ZGRF1: variants seen among roughly 807,000 people sequenced by gnomAD.
The protein encoded by ZGRF1 is zinc finger GRF-type containing 1.
ZGRF1 carries 196 observed loss-of-function variants against 203.5 expected under a neutral mutation model. The observed-to-expected ratio is 0.96, with a 90% confidence interval of 0.86 to 1.08. The LOEUF (loss-of-function observed/expected upper bound fraction) is 1.08. Among genes scored for constraint, ZGRF1 ranks in the 50% least tolerant of loss-of-function variants. The pLI, the probability that ZGRF1 is intolerant of heterozygous loss-of-function variation, is 0.00. For synonymous variants in ZGRF1, 809 were observed against 841.3 expected (o/e 0.96, Z 0.66); for missense variants, 2,326 against 2,416.3 (o/e 0.96, Z 0.78).
intron 3 of ZGRF1, among the ~76,000 whole-genome samples, chr4:112,628,076 A>G (rs2149200628): frequency 6.6e-6 from 1 of 152,354 alleles, no homozygotes; most frequent in Non-Finnish European, 1.5e-5. Flanking sequence ...TCTGAACCAG[A>G]GACAGATCTA....
At position 112,563,193 on chromosome 4, in the gene ZGRF1, G is replaced by A. The variant is rs1412107753; in HGVS notation, c.4520C>T (p.Ser1507Phe). The stretch of plus-strand genomic sequence containing the variant: ...AGGCAGTATTTCTATCTCATTGATA[G>A]ATGATGGTCCAAAGAAAGCACTACA... ...IACSAFFGPS[S>F]INEIEILPLK... The change falls in exon 17 of 28, where the codon TCT (serine) becomes TTT (phenylalanine). Residue 1507 changes from serine (S) to phenylalanine (F), a missense_variant. Physicochemically the swap from Ser to Phe is radical, Grantham distance 155 (BLOSUM62 -2). Coordinates refer to ENST00000505019, the MANE Select transcript of ZGRF1 (RefSeq NM_018392.5). The A allele has an allele frequency of 6.4e-7, 1 of 1,550,872 alleles. No individual in the cohort carries two copies. Among genetic ancestry groups the A allele is most frequent in the East Asian group, 2.4e-5 (1 of 40,850 alleles).
chr4:112,589,885 A>T lies in ZGRF1; in HGVS notation c.2977-11T>A, dbSNP rs769779257. On this transcript the variant is annotated splice_polypyrimidine_tract_variant and intron_variant, in intron 10 of 27. Coordinates refer to ENST00000505019, the MANE Select transcript of ZGRF1 (RefSeq NM_018392.5). ...TTCTGGTGATGTCACCTATACAGAA[A>T]GAAGAATCAAAACTACAGACCAAAA... The T allele has an allele frequency of 6.5e-7, 1 of 1,539,554 alleles. No individual in the cohort carries two copies. The highest frequency in any genetic ancestry group is 8.7e-7 in the Non-Finnish European group (1 of 1,146,402).
intron 4 of ZGRF1, among the ~76,000 whole-genome samples, chr4:112,623,352 T>C (rs1055946766): frequency 2.6e-5 from 4 of 152,228 alleles, no homozygotes; most frequent in African/African-American, 7.2e-5. Flanking sequence ...GAACAACTTA[T>C]ATTCCTTTGG....
At chr4:112,562,571 G>C in intron 17 of ZGRF1, 86 bp from the exon 18 acceptor site, 1 of 775,498 alleles carries the variant, frequency 1.3e-6, no homozygotes. Context: ...ATAACTCAGA[G>C]TTCAGCTACT....
At chr4:112,626,682 C>T (rs2047249691) in intron 3 of ZGRF1, among the ~76,000 whole-genome samples, 1 of 152,164 alleles carries the variant, frequency 6.6e-6, no homozygotes, top group South Asian at 2.1e-4. Flanking sequence ...TTTCAAATAC[C>T]ATCTAAAAGC....
At chr4:112,563,475 G>C (rs543540717) in intron 16 of ZGRF1, among the ~76,000 whole-genome samples, 2 of 152,286 alleles carry the variant, frequency 1.3e-5, no homozygotes, top group Admixed American at 1.3e-4. Context: ...AAAAGAACCA[G>C]CATCAGATTC....
intron 16 of ZGRF1, among the ~76,000 whole-genome samples, chr4:112,567,737 G>C (rs1189269628): frequency 1.3e-5 from 2 of 152,082 alleles, no homozygotes; most frequent in African/African-American, 4.8e-5. Flanking sequence ...ATGTGCCAGG[G>C]CAACATAGCA....
At chr4:112,559,370 T>A (rs1741520851) in intron 19 of ZGRF1, among the ~76,000 whole-genome samples, 1 of 152,162 alleles carries the variant, frequency 6.6e-6, no homozygotes, top group African/African-American at 2.4e-5. Context: ...AGCTAATTTT[T>A]AAATTTTTTT....
intron 10 of ZGRF1, among the ~76,000 whole-genome samples, chr4:112,592,893 A>G (rs1024574613): frequency 1.2e-4 from 18 of 152,246 alleles, no homozygotes; most frequent in African/African-American, 3.6e-4. Context: ...AAATGAGGTC[A>G]TAAGAGTGGG....
chr4:112,560,419 G>A lies in ZGRF1; in HGVS notation c.4960+314C>T, dbSNP rs556504951. Among the ~76,000 whole-genome samples, 4 of 152,286 alleles carry A rather than the reference G, an allele frequency of 2.6e-5. No individual in the cohort carries two copies. The East Asian group carries it at 5.8e-4, about 22-fold the overall frequency. ...AAGGATAGAAGAGTGAGCTGACTAGGAATAAATAAAAGGTTTTGCTGATCA... is the reference window on the plus strand; with the variant it reads ...AAGGATAGAAGAGTGAGCTGACTAGAAATAAATAAAAGGTTTTGCTGATCA... On this transcript the variant is annotated intron_variant, in intron 19 of 27. Transcript: ENST00000505019.
chr4:112,543,288 T>C (rs1738070187), intron 24 of ZGRF1, among the ~76,000 whole-genome samples: 1 of 152,188 alleles, frequency 6.6e-6, no homozygotes, highest in African/African-American at 2.4e-5. Flanking sequence ...TTTTGTGGAC[T>C]CATCATACAT....
chr4:112,620,303 G>A (rs2047022141), intron 4 of ZGRF1, 113 bp from the exon 5 acceptor site: 4 of 608,982 alleles, frequency 6.6e-6, no homozygotes, highest in African/African-American at 3.8e-5. Context: ...GGTGTTGAAC[G>A]AATAAATCAG....
chr4:112,565,214 C>T, intron 16 of ZGRF1: 1 of 1,588,874 alleles, frequency 6.3e-7, no homozygotes, highest in Non-Finnish European at 8.6e-7. Flanking sequence ...CGAGAAATTG[C>T]TCAGGACTTT....
intron 10 of ZGRF1, among the ~76,000 whole-genome samples, chr4:112,593,865 T>C (rs1358186854): frequency 1.3e-5 from 2 of 151,886 alleles, no homozygotes; most frequent in Non-Finnish European, 2.9e-5. Context: ...CCAGGATCAA[T>C]TGATCGTCCC....
Position 112,617,718 on chromosome 4 carries a change from G to A in ZGRF1, c.2324C>T (p.Ser775Phe). 4 of 1,614,066 alleles carry A rather than the reference G, an allele frequency of 2.5e-6. No homozygotes were observed. Among genetic ancestry groups the A allele is most frequent in the Non-Finnish European group, 3.4e-6 (4 of 1,179,982 alleles). The change falls in exon 6 of 28, where the codon TCC becomes TTC. Residue 775 changes from serine (S) to phenylalanine (F), a missense_variant. Ser to Phe is a radical substitution (Grantham distance 155). Transcript: ENST00000505019. ...AGATATATGTGCTTCTGTGTCTTTG[G>A]AAATAAGATGCTTTTTTCCCAGTGG... ...FYPLGKKHLI[S>F]KDTEAHISEP...
At chr4:112,609,723 G>A (rs1319668326) in intron 7 of ZGRF1, among the ~76,000 whole-genome samples, 2 of 150,068 alleles carry the variant, frequency 1.3e-5, no homozygotes, top group African/African-American at 2.5e-5. Flanking sequence ...ACTTGAACCC[G>A]GGAGGAGGAG....
intron 22 of ZGRF1, among the ~76,000 whole-genome samples, chr4:112,551,439 T>C (rs1739940227): frequency 6.6e-6 from 1 of 152,218 alleles, no homozygotes; most frequent in Admixed American, 6.5e-5. Flanking sequence ...ACCATACCTT[T>C]TTTCAACAAA....
chr4:112,553,997 T>A lies in ZGRF1; in HGVS notation c.5199-15A>T, dbSNP rs757916387. ...CAGCATGCAAGCTAAAGAATTATAT[T>A]AAAACACTCCTCTTTATTCCATTTT... On this transcript the variant is annotated splice_polypyrimidine_tract_variant and intron_variant, in intron 21 of 27. Transcript: ENST00000505019. 38 of 1,591,160 alleles carry A rather than the reference T, an allele frequency of 2.4e-5. No homozygotes were observed. Among genetic ancestry groups the A allele is most frequent in the Admixed American group, 1.8e-4 (10 of 54,994 alleles).
intron 10 of ZGRF1, among the ~76,000 whole-genome samples, chr4:112,598,191 C>T (rs1439363809): frequency 1.3e-5 from 2 of 151,968 alleles, no homozygotes; most frequent in Non-Finnish European, 2.9e-5. Context: ...AGATGAAAAA[C>T]CTGGAAAAGA....
Sources: gnomAD v4.1 joint callset for allele counts (sites outside exome capture counted in the v4.1 genomes callset) on GRCh38, gnomAD v4.1.1 for gene constraint, MANE v1.5 for transcripts, NCBI Gene and HGNC (gene_info 2026-07-23, HGNC 2026-07-21) for gene names.